Variants in LRRC56 observed in about 807,000 individuals in gnomAD.
LRRC56 encodes the protein leucine rich repeat containing 56.
Under a neutral mutation model 47.8 loss-of-function variants are expected in LRRC56, and 41 were observed. That is an observed-to-expected ratio of 0.86 (90% confidence interval 0.67 to 1.11). The LOEUF (loss-of-function observed/expected upper bound fraction) is 1.11. Ranked by LOEUF, LRRC56 falls within the 50% of genes most tolerant of loss-of-function variation. The pLI is 0.00. For synonymous variants in LRRC56, 387 were observed against 311.2 expected (o/e 1.24, Z -2.56); for missense variants, 759 against 704.2 (o/e 1.08, Z -0.88).
chr11:551,958 C>T lies in LRRC56; in HGVS notation c.1029C>T (p.His343=), dbSNP rs142380918. 1.1e-5 allele frequency: 18 copies of T among 1,612,590 alleles called. No homozygotes were observed. Among genetic ancestry groups the T allele is most frequent in the Non-Finnish European group, 1.5e-5 (18 of 1,179,918 alleles). ...CCAAGGGCCTGCGGGAGCGTAGGCA[C>T]CAGTGCCAGGTACAGCCCACAGGGA... is the stretch of plus-strand genomic sequence containing the variant. ...NPTKGLRERR[H]QCQAREPPEQ... The change falls in exon 11 of 14, where the codon CAC becomes CAT. Residue 343 remains histidine, a synonymous_variant. Coordinates refer to ENST00000270115, the MANE Select transcript of LRRC56 (RefSeq NM_198075.4).
intron 8 of LRRC56, among the ~76,000 whole-genome samples, chr11:550,816 A>G (rs1852344575): frequency 6.6e-6 from 1 of 152,146 alleles, no homozygotes; most frequent in African/African-American, 2.4e-5. Flanking sequence ...AGCGTCTACC[A>G]GTGCCCAGTA....
At chr11:512,205 G>A in the LRRC56 span, among the ~76,000 whole-genome samples, 17,140 of 151,880 alleles carry the variant, frequency 0.11, 1,078 homozygotes, top group Middle Eastern at 0.14. Context: ...GCCTCCCAAA[G>A]TGCTGGGATT....
chr11:517,479 C>T, the LRRC56 span, among the ~76,000 whole-genome samples: 7 of 151,890 alleles, frequency 4.6e-5, no homozygotes, highest in East Asian at 7.8e-4. Flanking sequence ...AGGGGCACCT[C>T]TGCCCAGCCA....
At position 554,879 on chromosome 11, in the gene LRRC56, T is replaced by C. The variant is rs1852684070; in HGVS notation, c.*603T>C. 2.5e-6 allele frequency: 2 copies of C among 816,088 alleles called. No homozygotes were observed. The highest frequency in any genetic ancestry group is 3.6e-6 in the Non-Finnish European group (2 of 557,724). The allele number at this position is 816,088 out of a possible 1,614,324, so 50.6% of individuals were successfully genotyped here. A position where few individuals can be genotyped will look rare whatever the true frequency, so the allele number is the denominator to read the frequency against. ...GTGTACAGAAATGCGGTTTACTTTG[T>C]AGGCCACGTTGGTTCAATAAATGAT... On this transcript the variant is annotated 3_prime_UTR_variant, in exon 14 of 14. Coordinates refer to ENST00000270115, the MANE Select transcript of LRRC56 (RefSeq NM_198075.4).
the LRRC56 span, chr11:529,827 C>T: frequency 1.3e-5 from 2 of 152,234 alleles, no homozygotes; most frequent in Non-Finnish European, 2.9e-5. Context: ...TGGCTCTCCC[C>T]TGCCCATCAG....
At chr11:547,189 G>A (rs7396636) in intron 6 of LRRC56, among the ~76,000 whole-genome samples, 29,663 of 151,268 alleles carry the variant, frequency 0.2, 3,335 homozygotes, top group African/African-American at 0.32. Context: ...CTGAGATCGC[G>A]CCACTGCACT....
rs897749833 is a variant in LRRC56, at chr11:554,072, G to A, written c.1425G>A (p.Arg475=). 2 of 1,609,964 alleles carry A rather than the reference G, an allele frequency of 1.2e-6. No individual in the cohort carries two copies. Among genetic ancestry groups the A allele is most frequent in the Admixed American group, 1.7e-5 (1 of 59,838 alleles). Reference sequence around the variant, plus strand: ...GGTGGTCGACAGACCTGCAGTCCAGGGGGCGTCGGCTCCGAGTCCTGGGCA... The same window carrying A: ...GGTGGTCGACAGACCTGCAGTCCAGAGGGCGTCGGCTCCGAGTCCTGGGCA... ...SPRWSTDLQS[R]GRRLRVLGSW... Residue 475 remains arginine, a synonymous_variant, in exon 14 of 14, where the codon AGG becomes AGA. Coordinates refer to ENST00000270115, the MANE Select transcript of LRRC56 (RefSeq NM_198075.4).
the LRRC56 span, among the ~76,000 whole-genome samples, chr11:509,067 G>A: frequency 7.3e-5 from 11 of 151,472 alleles, no homozygotes; most frequent in South Asian, 2.1e-4. Context: ...AAGAAACTCC[G>A]TCTCAAAAAG....
chr11:522,255 T>TTTTTGTTTTG, the LRRC56 span, among the ~76,000 whole-genome samples: 5 of 151,356 alleles, frequency 3.3e-5, no homozygotes, highest in African/African-American at 9.7e-5. Flanking sequence ...ATTTCTGGTT[T>TTTTTGTTTTG]TTTTGTTTTG....
intron 12 of LRRC56, 43 bp downstream of exon 12, chr11:552,275 G>A (rs773779117): frequency 1.1e-5 from 18 of 1,573,582 alleles, no homozygotes; most frequent in South Asian, 4.6e-5. Context: ...GTCCTGTCCC[G>A]TGGGGAAATC....
chr11:533,189 C>A, upstream of LRRC56: 1 of 1,227,044 alleles, frequency 8.1e-7, no homozygotes. Context: ...CCGCCTTCCC[C>A]GGAGCTGTGT....
Position 554,504 on chromosome 11 carries a change from G to A in LRRC56, c.*228G>A. 4.6e-6 allele frequency: 2 copies of A among 432,298 alleles called. No individual in the cohort carries two copies. The highest frequency in any genetic ancestry group is 4.0e-6 in the Non-Finnish European group (1 of 247,430). The allele number at this position is 432,298 out of a possible 1,614,324, so 26.8% of individuals were successfully genotyped here. A position where few individuals can be genotyped will look rare whatever the true frequency, so the allele number is the denominator to read the frequency against. On this transcript the variant is annotated 3_prime_UTR_variant, in exon 14 of 14. Transcript: ENST00000270115. ...ACTGGGTTTGGCCTGGGGAGGGAGGGTCCGGCTCCCCAGCCCTTCCTTAGG... is the reference window on the plus strand; with the variant it reads ...ACTGGGTTTGGCCTGGGGAGGGAGGATCCGGCTCCCCAGCCCTTCCTTAGG...
At position 554,259 on chromosome 11, in the gene LRRC56, A is replaced by G. The variant is rs779654893; in HGVS notation, c.1612A>G (p.Ser538Gly). 6.7e-7 allele frequency: 1 copy of G among 1,494,776 alleles called. No homozygotes were observed. The highest frequency in any genetic ancestry group is 8.9e-7 in the Non-Finnish European group (1 of 1,126,306). The allele number at this position is 1,494,776 out of a possible 1,614,324, so 92.6% of individuals were successfully genotyped here. Residue 538 changes from serine to glycine, a missense_variant, in exon 14 of 14, where the codon AGC becomes GGC. Ser to Gly is a moderately conservative substitution (Grantham distance 56). Coordinates refer to ENST00000270115, the MANE Select transcript of LRRC56 (RefSeq NM_198075.4). ...CAGGGCAGCTGAACTCTCTCACCCC[A>G]GCCCCGTCCCCACTTAATATAGCCC... Reference protein sequence around the residue: ...PPRAAELSHPSPVPT With the variant: ...PPRAAELSHPGPVPT
At chr11:531,543 T>C in the LRRC56 span, among the ~76,000 whole-genome samples, 56 of 152,272 alleles carry the variant, frequency 3.7e-4, no homozygotes, top group Middle Eastern at 0.01. Flanking sequence ...CCAGTGACAC[T>C]ACCAGGCTCC....
intron 3 of LRRC56, 94 bp from the exon 4 acceptor site, chr11:540,580 G>A (rs991511518): frequency 1.8e-6 from 2 of 1,094,122 alleles, no homozygotes; most frequent in African/African-American, 3.2e-5. Flanking sequence ...GCTGTGACGG[G>A]GGCGGGGGGT....
the LRRC56 span, among the ~76,000 whole-genome samples, chr11:512,182 T>C: frequency 6.6e-6 from 1 of 152,004 alleles, no homozygotes; most frequent in Admixed American, 6.6e-5. Flanking sequence ...GACCTCGTTA[T>C]CTGCCTGCCC....
chr11:550,659 C>T (rs758333537), intron 8 of LRRC56, among the ~76,000 whole-genome samples: 6 of 152,184 alleles, frequency 3.9e-5, no homozygotes, highest in East Asian at 1.9e-4. Flanking sequence ...TGCAGTATCT[C>T]GGGGCTCTGC....
chr11:541,828 C>G lies in LRRC56; in HGVS notation c.265+204C>G, dbSNP rs1477499478. ...AGCACCCCGCACACCACACCAGTAC[C>G]CCCAGCACGCTCAGTACCCCACACA... On this transcript the variant is annotated intron_variant, in intron 5 of 13. Transcript: ENST00000270115. The surrounding 1 kb of genome is among the most constrained non-coding windows in gnomAD (Gnocchi z 4.1). Among the ~76,000 whole-genome samples the G allele has an allele frequency of 6.6e-6, 1 of 151,528 alleles. No homozygotes were observed. The highest frequency in any genetic ancestry group is 2.4e-5 in the African/African-American group (1 of 41,140).
chr11:544,631 C>T (rs1452220672), intron 5 of LRRC56, 89 bp from the exon 6 acceptor site: 13 of 1,361,398 alleles, frequency 9.5e-6, no homozygotes, highest in East Asian at 2.3e-5. Flanking sequence ...AGTGAGGGGC[C>T]GGGGGTGCTG....
Sources: gnomAD v4.1 joint callset for allele counts (sites outside exome capture counted in the v4.1 genomes callset) on GRCh38, gnomAD v4.1.1 for gene constraint, Gnocchi (gnomAD v3.1) non-coding constraint, MANE v1.5 for transcripts, NCBI Gene and HGNC (gene_info 2026-07-23, HGNC 2026-07-21) for gene names.